SMAP2: variants seen among roughly 807,000 people sequenced by gnomAD.
The protein encoded by SMAP2 is small ArfGAP2.
Under a neutral mutation model 56.4 loss-of-function variants are expected in SMAP2, and 25 were observed. That is an observed-to-expected ratio of 0.44 (90% confidence interval 0.32 to 0.62). The LOEUF (loss-of-function observed/expected upper bound fraction) is 0.62, where lower values mean the gene tolerates loss of function less well. SMAP2 is among the 20% of genes least tolerant of loss of function. SMAP2 has a pLI of 0.04. For synonymous variants in SMAP2, 157 were observed against 181.7 expected, an observed-to-expected ratio of 0.86 and a Z score of 1.09; for missense variants, 388 against 545.6, an observed-to-expected ratio of 0.71 and a Z score of 2.88.
intron 1 of SMAP2, among the ~76,000 whole-genome samples, chr1:40,388,793 G>T (rs1034695169): frequency 3.3e-5 from 5 of 152,148 alleles, no homozygotes; most frequent in African/African-American, 9.7e-5. Flanking sequence ...TTTGCTCTTT[G>T]CAATAAATCT....
At chr1:40,406,675 T>A in intron 1 of SMAP2, 61 bp from the exon 2 acceptor site, 3 of 1,528,526 alleles carry the variant, frequency 2.0e-6, no homozygotes, top group Non-Finnish European at 2.7e-6. Context: ...AATCTAATAT[T>A]GTAGTTTAGG....
At chr1:40,414,681 C>T (rs1644970385) in intron 6 of SMAP2, among the ~76,000 whole-genome samples, 1 of 152,202 alleles carries the variant, frequency 6.6e-6, no homozygotes, top group Admixed American at 6.5e-5. Flanking sequence ...TTTTGCTAAA[C>T]AGCACCTTTG....
chr1:40,355,348 T>A (rs1308395831), intron 1 of SMAP2, among the ~76,000 whole-genome samples: 1 of 152,192 alleles, frequency 6.6e-6, no homozygotes, highest in East Asian at 1.9e-4. Context: ...TTTTGCTTAT[T>A]CCTCGTTATC....
chr1:40,388,961 C>T (rs1410888604), intron 1 of SMAP2, among the ~76,000 whole-genome samples: 1 of 151,942 alleles, frequency 6.6e-6, no homozygotes, highest in Non-Finnish European at 1.5e-5. Flanking sequence ...ACACTCACCG[C>T]GAGGGTCCAC....
chr1:40,412,768 C>T (rs1444155851), intron 4 of SMAP2, among the ~76,000 whole-genome samples: 1 of 152,152 alleles, frequency 6.6e-6, no homozygotes, highest in Non-Finnish European at 1.5e-5. Context: ...CAAATGTCAA[C>T]AGTCATGAGT....
At chr1:40,345,883 G>A (rs542476) in intron 1 of SMAP2, among the ~76,000 whole-genome samples, 179 of 58,618 alleles carry the variant, frequency 3.1e-3, no homozygotes, top group African/African-American at 0.015. Context: ...GTATTATATT[G>A]TATTGTATTA....
At chr1:40,359,411 T>C (rs1392999291) in intron 1 of SMAP2, among the ~76,000 whole-genome samples, 2 of 152,134 alleles carry the variant, frequency 1.3e-5, no homozygotes, top group East Asian at 1.9e-4. Context: ...ATTTGTGTCT[T>C]TATAAGTAAG....
At chr1:40,413,551 A>G (rs1260897475) in intron 5 of SMAP2, among the ~76,000 whole-genome samples, 2 of 152,320 alleles carry the variant, frequency 1.3e-5, no homozygotes, top group East Asian at 1.9e-4. Flanking sequence ...GTTGAAACAG[A>G]CACCCTTCTT....
In SMAP2 at chr1:40,423,071, C is replaced by T. The variant is rs1024206000; in HGVS notation, c.*970C>T. 1 of 152,610 alleles carries T rather than the reference C, an allele frequency of 6.6e-6. No homozygotes were observed. The highest frequency in any genetic ancestry group is 1.5e-5 in the Non-Finnish European group (1 of 68,078). The allele number at this position is 152,610 out of a possible 1,614,324, so 9.5% of individuals were successfully genotyped here. A position where few individuals can be genotyped will look rare whatever the true frequency, so the allele number is the denominator to read the frequency against. ...AAAAACGCCATGTCATTGATAACTC[C>T]CTTTCTCCCTTCCCTTCTCCCGGTC... On this transcript the variant is annotated 3_prime_UTR_variant, in exon 10 of 10. Transcript: ENST00000372718.
At chr1:40,345,354 C>CT (rs1001872098) in intron 1 of SMAP2, among the ~76,000 whole-genome samples, 1 of 151,780 alleles carries the variant, frequency 6.6e-6, no homozygotes, top group African/African-American at 2.4e-5. Context: ...GATCGTGCCA[C>CT]TGCACTCCAG....
intron 2 of SMAP2, among the ~76,000 whole-genome samples, chr1:40,366,113 T>G (rs1644480240): frequency 6.6e-6 from 1 of 151,030 alleles, no homozygotes; most frequent in Non-Finnish European, 1.5e-5. Flanking sequence ...CAATGGAAGA[T>G]GAAATGAATG....
intron 1 of SMAP2, among the ~76,000 whole-genome samples, chr1:40,387,493 T>C (rs1402629880): frequency 6.6e-6 from 1 of 152,220 alleles, no homozygotes; most frequent in Non-Finnish European, 1.5e-5. Context: ...CACGTAGAGA[T>C]GGCTTTGCTA....
intron 1 of SMAP2, among the ~76,000 whole-genome samples, chr1:40,382,435 G>A (rs1393513803): frequency 6.6e-6 from 1 of 152,206 alleles, no homozygotes; most frequent in East Asian, 1.9e-4. Flanking sequence ...TGCCAAGCAA[G>A]ATTCTGCATA....
rs190454973 is a variant in SMAP2, at chr1:40,359,322, C to T, written c.-82-2978C>T. On this transcript the variant is annotated intron_variant, in intron 1 of 6. Coordinates refer to the SMAP2 transcript ENST00000435168. ...TTCCCCATGTTGTCCAGGCTGGTCT[C>T]GAACTCCTGACCTCAGGTGACCCAC... 1.1e-3 allele frequency among the ~76,000 whole-genome samples: 175 copies of T among 152,220 alleles called. 1 individual carries two copies. The highest frequency in any genetic ancestry group is 4.0e-3 in the African/African-American group (167 of 41,528).
Position 40,415,256 on chromosome 1 carries a change from C to G in SMAP2, c.572-16C>G. ...AATAAGCAGTGCTGCATCTTAACTT[C>G]GATCTCTCTTTCTAGATGCTCCTGT... On this transcript the variant is annotated splice_polypyrimidine_tract_variant and intron_variant, in intron 6 of 9. Transcript: ENST00000372718. 6.3e-7 allele frequency: 1 copy of G among 1,588,610 alleles called. No homozygotes were observed. Among genetic ancestry groups the G allele is most frequent in the Non-Finnish European group, 8.6e-7 (1 of 1,156,848 alleles).
chr1:40,393,878 C>G (rs535435161), intron 1 of SMAP2, among the ~76,000 whole-genome samples: 4 of 152,248 alleles, frequency 2.6e-5, no homozygotes, highest in Admixed American at 2.6e-4. Context: ...TTTGCGTGAA[C>G]AGAATCAATG....
At position 40,405,324 on chromosome 1, in the gene SMAP2, A is replaced by G. The variant is rs551343341; in HGVS notation, c.104-1412A>G. 2.0e-5 allele frequency among the ~76,000 whole-genome samples: 3 copies of G among 152,212 alleles called. No homozygotes were observed. The East Asian group carries it at 5.8e-4, about 29-fold the overall frequency. ...GGCAACATAGTGAGACCTAGTCTCT[A>G]CAGTAAATAAAAATATTAGCCAGGC... On this transcript the variant is annotated intron_variant, in intron 1 of 9. Coordinates refer to ENST00000372718, the MANE Select transcript of SMAP2 (RefSeq NM_022733.3).
intron 1 of SMAP2, among the ~76,000 whole-genome samples, chr1:40,352,624 G>C (rs1252452401): frequency 6.6e-6 from 1 of 151,210 alleles, no homozygotes; most frequent in Non-Finnish European, 1.5e-5. Flanking sequence ...CTGCAACCTT[G>C]AACTCCCAGG....
chr1:40,383,336 T>A (rs1418789122), intron 1 of SMAP2, among the ~76,000 whole-genome samples: 1 of 152,174 alleles, frequency 6.6e-6, no homozygotes, highest in Non-Finnish European at 1.5e-5. Context: ...CCTCTTATCC[T>A]CCTCAGTGCC....
Sources: allele counts gnomAD v4.1 joint callset (sites outside exome capture counted in the v4.1 genomes callset), GRCh38; gene constraint gnomAD v4.1.1; transcripts MANE v1.5; gene names NCBI Gene and HGNC (gene_info 2026-07-23, HGNC 2026-07-21).